Variants in TBCD observed in about 807,000 individuals in gnomAD.
TBCD encodes the protein tubulin-specific chaperone D.
A neutral mutation model predicts 169.3 loss-of-function variants in TBCD; 105 were observed. The observed-to-expected ratio is 0.62, with a 90% CI of 0.53 to 0.73. TBCD has a LOEUF of 0.73. Ranked by LOEUF, TBCD falls within the 30% of genes least tolerant of loss-of-function variation. TBCD has a pLI of 0.00. For missense variants in TBCD, 1,444 were observed against 1,600.1 expected (o/e 0.90, Z 1.66); for synonymous variants, 700 against 643.9 (o/e 1.09, Z -1.32).
In TBCD at chr17:82,927,192, C is replaced by T. The variant is rs761693511; in HGVS notation, c.2478C>T (p.Cys826=). ...CACACATTTTAAATTTCAGGATTTG[C>T]CAGACTGTTGGTGTGAAAGCAGGAG... ...RDGLKAIARI[C]QTVGVKAGAP... The change falls in exon 29 of 39, where the codon TGC becomes TGT. Residue 826 remains cysteine (C), a synonymous_variant. Coordinates refer to ENST00000355528, the MANE Select transcript of TBCD (RefSeq NM_005993.5). 13 of 1,613,746 alleles carry T rather than the reference C, an allele frequency of 8.1e-6. No homozygotes were observed. In the South Asian group the frequency reaches 1.3e-4, roughly 16 times the overall value.
At position 82,840,954 on chromosome 17, in the gene TBCD, G is replaced by GTTT. The variant is rs1295995328; in HGVS notation, c.1318+26047_1318+26049dup. Among the ~76,000 whole-genome samples the GTTT allele has an allele frequency of 3.2e-4, 14 of 44,302 alleles. 1 individual carries two copies. Among genetic ancestry groups the GTTT allele is most frequent in the South Asian group, 7.2e-4 (1 of 1,398 alleles). 29.1% of individuals were successfully genotyped at this position (44,302 alleles called of 152,430 possible). On this transcript the variant is annotated intron_variant, in intron 13 of 38. Coordinates refer to ENST00000355528, the MANE Select transcript of TBCD (RefSeq NM_005993.5). ...CGAGCTGGCCAGGACAGACAAACTG[G>GTTT]TTTTTTTTTTTTTTTTTTTTTTTTT...
At chr17:82,780,777 TGG>T (rs937871836) in intron 6 of TBCD, among the ~76,000 whole-genome samples, 1 of 151,056 alleles carries the variant, frequency 6.6e-6, no homozygotes, top group Non-Finnish European at 1.5e-5. Flanking sequence ...CCTGAGTAGC[TGG>T]GATTACAGGC....
chr17:82,906,904 C>T (rs1446744673), intron 20 of TBCD, among the ~76,000 whole-genome samples: 1 of 152,256 alleles, frequency 6.6e-6, no homozygotes, highest in Non-Finnish European at 1.5e-5. Context: ...TGGAAGAAGG[C>T]ACATGGGGTG....
intron 18 of TBCD, 72 bp downstream of exon 18, chr17:82,900,803 G>A: frequency 1.8e-6 from 2 of 1,127,556 alleles, no homozygotes; most frequent in Non-Finnish European, 2.7e-6. Flanking sequence ...GAGCTTATAA[G>A]CCTTGAGTGT....
In TBCD at chr17:82,889,734, T is replaced by G; in HGVS notation, c.1563+37T>G. ...TTCAAACACCTTTATTCCAAAAACT[T>G]CCTGCGGGTTTATAGGTAGGAATCT... is the stretch of plus-strand genomic sequence containing the variant. On this transcript the variant is annotated intron_variant, in intron 16 of 38. Coordinates refer to ENST00000355528, the MANE Select transcript of TBCD (RefSeq NM_005993.5). The surrounding 1 kb of genome is among the most constrained non-coding windows in gnomAD (Gnocchi z 5.3). 1 of 1,611,476 alleles carries G rather than the reference T, an allele frequency of 6.2e-7. No individual in the cohort carries two copies. The highest frequency in any genetic ancestry group is 1.3e-5 in the African/African-American group (1 of 74,872).
chr17:82,885,705 A>C (rs1488213235), intron 15 of TBCD, among the ~76,000 whole-genome samples: 1 of 152,224 alleles, frequency 6.6e-6, no homozygotes, highest in Non-Finnish European at 1.5e-5. Context: ...GCAGTAATAA[A>C]ATTAAAGTAC....
intron 18 of TBCD, among the ~76,000 whole-genome samples, chr17:82,902,393 G>A (rs1315999855): frequency 6.6e-6 from 1 of 152,356 alleles, no homozygotes; most frequent in African/African-American, 2.4e-5. Flanking sequence ...GCCTCGGGCT[G>A]GGCTTGCGGC....
chr17:82,794,323 C>T (rs1040416997), intron 7 of TBCD, among the ~76,000 whole-genome samples: 2 of 152,128 alleles, frequency 1.3e-5, no homozygotes, highest in South Asian at 2.1e-4. Flanking sequence ...AAAGGTGGGG[C>T]GGGTTAGGAT....
In TBCD at chr17:82,889,878, G is replaced by C. The variant is rs531514940; in HGVS notation, c.1563+181G>C. ...TAAACAGCGAGTCCTGTTTCACAGG[G>C]AACCTGCATGTACAGTAATTTACAC... On this transcript the variant is annotated intron_variant, in intron 16 of 38. Transcript: ENST00000355528. The surrounding 1 kb of genome is among the most constrained non-coding windows in gnomAD (Gnocchi z 5.3). Among the ~76,000 whole-genome samples, 2 of 152,250 alleles carry C rather than the reference G, an allele frequency of 1.3e-5. No individual in the cohort carries two copies. Among genetic ancestry groups the C allele is most frequent in the East Asian group, 3.8e-4 (2 of 5,196 alleles).
In TBCD at chr17:82,864,771, G is replaced by A. The variant is rs953996050; in HGVS notation, c.1319-5453G>A. Reference sequence around the variant, plus strand: ...AGAGCAGAGCAGGTGATGCATATCCGGGCGCCCACCCTAGCAGCACAGGAA... The same window carrying A: ...AGAGCAGAGCAGGTGATGCATATCCAGGCGCCCACCCTAGCAGCACAGGAA... On this transcript the variant is annotated intron_variant, in intron 13 of 38. Coordinates refer to ENST00000355528, the MANE Select transcript of TBCD (RefSeq NM_005993.5). This position sits in a 1 kb window ranked among gnomAD's most constrained non-coding sequence, Gnocchi z 6.3. Among the ~76,000 whole-genome samples, 3 of 151,982 alleles carry A rather than the reference G, an allele frequency of 2.0e-5. No homozygotes were observed. Among genetic ancestry groups the A allele is most frequent in the Non-Finnish European group, 4.4e-5 (3 of 67,978 alleles).
At chr17:82,928,651 TC>T (rs1210636981) in intron 30 of TBCD, among the ~76,000 whole-genome samples, 2 of 152,106 alleles carry the variant, frequency 1.3e-5, no homozygotes, top group Non-Finnish European at 2.9e-5. Flanking sequence ...TCAGGGACAC[TC>T]GGCCGTGGGG....
intron 6 of TBCD, among the ~76,000 whole-genome samples, chr17:82,779,503 A>C (rs1334951293): frequency 6.6e-6 from 1 of 152,088 alleles, no homozygotes; most frequent in Non-Finnish European, 1.5e-5. Flanking sequence ...CTCCACAGGG[A>C]CAGTGGCGGA....
chr17:82,827,436 T>C (rs890152493), intron 13 of TBCD, among the ~76,000 whole-genome samples: 1 of 152,192 alleles, frequency 6.6e-6, no homozygotes, highest in Admixed American at 6.5e-5. Context: ...AAGCAGAGCC[T>C]TAGGGGCTGA....
At chr17:82,850,127 G>GC (rs1567887651) in intron 13 of TBCD, among the ~76,000 whole-genome samples, 6 of 83,376 alleles carry the variant, frequency 7.2e-5, no homozygotes, top group African/African-American at 2.9e-4. Flanking sequence ...TGTTGGCTGT[G>GC]TTGTTGTTGG....
chr17:82,754,820 C>T (rs749859915), intron 1 of TBCD, among the ~76,000 whole-genome samples: 1 of 152,196 alleles, frequency 6.6e-6, no homozygotes, highest in Non-Finnish European at 1.5e-5. Flanking sequence ...GCAGTTTCAG[C>T]TGCTGAGAGG....
intron 7 of TBCD, among the ~76,000 whole-genome samples, chr17:82,792,640 G>A (rs1276908339): frequency 1.3e-5 from 2 of 152,220 alleles, no homozygotes; most frequent in Non-Finnish European, 2.9e-5. Context: ...CTGCCAGGTC[G>A]GTGCTGGGGT....
chr17:82,771,141 C>T (rs1371980011), intron 5 of TBCD, among the ~76,000 whole-genome samples: 3 of 151,210 alleles, frequency 2.0e-5, no homozygotes, highest in African/African-American at 7.3e-5. Flanking sequence ...CAAAAAAAAC[C>T]GAGACAAGCA....
intron 18 of TBCD, 46 bp downstream of exon 18, chr17:82,900,777 A>G (rs765436524): frequency 2.1e-6 from 3 of 1,413,656 alleles, no homozygotes. Context: ...TTTCCCCCCA[A>G]AGGAGAGATT....
intron 13 of TBCD, chr17:82,858,564 G>T (rs1313564180): frequency 6.1e-6 from 6 of 985,312 alleles, no homozygotes; most frequent in Non-Finnish European, 6.0e-6. Context: ...AAAGTAGCTG[G>T]CTGGGGCTTC....
Sources: allele counts gnomAD v4.1 joint callset (sites outside exome capture counted in the v4.1 genomes callset), GRCh38; gene constraint gnomAD v4.1.1; non-coding constraint Gnocchi (gnomAD v3.1); transcripts MANE v1.5; gene names NCBI Gene and HGNC (gene_info 2026-07-23, HGNC 2026-07-21).